MKLN1: variants seen among roughly 807,000 people sequenced by gnomAD.
MKLN1 encodes muskelin.
In MKLN1, 18 loss-of-function variants were observed where a neutral mutation model predicts 99.0. The observed-to-expected ratio is 0.18, with a 90% CI of 0.13 to 0.27. MKLN1 has a LOEUF of 0.27. MKLN1 is among the 10% of genes least tolerant of loss of function. MKLN1 has a pLI of 1.00. For synonymous variants in MKLN1, 288 were observed against 293.2 expected (o/e 0.98, Z 0.18); for missense variants, 621 against 875.9 (o/e 0.71, Z 3.67).
At chr7:131,386,454 G>A (rs1008661490) in intron 2 of MKLN1, among the ~76,000 whole-genome samples, 7 of 152,108 alleles carry the variant, frequency 4.6e-5, no homozygotes, top group Admixed American at 1.3e-4. Flanking sequence ...GAAGCATGAC[G>A]TCTCTCCAAC....
intron 3 of MKLN1, among the ~76,000 whole-genome samples, chr7:131,230,525 T>C (rs10225089): frequency 0.37 from 55,820 of 152,150 alleles, 10,845 homozygotes; most frequent in African/African-American, 0.44. Flanking sequence ...ATCCGTCATG[T>C]TGACTTCTGA....
At chr7:131,226,589 T>G (rs1194735247) in intron 3 of MKLN1, among the ~76,000 whole-genome samples, 2 of 152,176 alleles carry the variant, frequency 1.3e-5, no homozygotes, top group Non-Finnish European at 2.9e-5. Context: ...AGGAAGGAAA[T>G]GAAAGGAATT....
chr7:131,327,757 C>A, upstream of MKLN1: 1 of 1,396,622 alleles, frequency 7.2e-7, no homozygotes, highest in South Asian at 1.5e-5. Flanking sequence ...GACATTGGCC[C>A]GGCGCTGGGC....
intron 1 of MKLN1, among the ~76,000 whole-genome samples, chr7:131,141,051 T>G (rs1311580715): frequency 6.6e-6 from 1 of 152,204 alleles, no homozygotes; most frequent in Non-Finnish European, 1.5e-5. Context: ...CCCAAAGTGC[T>G]GGGATTACAG....
In MKLN1 at chr7:131,460,564, G is replaced by A. The variant is rs191795586; in HGVS notation, c.1526-2653G>A. 5.8e-4 allele frequency among the ~76,000 whole-genome samples: 88 copies of A among 152,286 alleles called. 2 individuals are homozygous for A. Among genetic ancestry groups the A allele is most frequent in the African/African-American group, 2.0e-3 (82 of 41,564 alleles). ...AAGCTCTGCTCTCATTCTTATTTAC[G>A]CCCCTATGTCCTTATTAGAAGCTCT... On this transcript the variant is annotated intron_variant, in intron 12 of 17. Transcript: ENST00000352689.
chr7:131,396,324 C>T (rs752424936), intron 4 of MKLN1, among the ~76,000 whole-genome samples: 1 of 152,180 alleles, frequency 6.6e-6, no homozygotes, highest in Non-Finnish European at 1.5e-5. Flanking sequence ...CCTCTTGCCA[C>T]GGCCTCCCAA....
intron 2 of MKLN1, among the ~76,000 whole-genome samples, chr7:131,202,529 C>T (rs1171919735): frequency 6.6e-6 from 1 of 152,164 alleles, no homozygotes; most frequent in Non-Finnish European, 1.5e-5. Flanking sequence ...AGGCCTGAGC[C>T]ACCGCGGCTC....
At chr7:131,357,289 A>G (rs1469832993) in intron 1 of MKLN1, among the ~76,000 whole-genome samples, 2 of 152,166 alleles carry the variant, frequency 1.3e-5, no homozygotes, top group African/African-American at 4.8e-5. Flanking sequence ...AGTACTGGAC[A>G]GGTGTATTGT....
chr7:131,446,069 T>G (rs905381373), intron 12 of MKLN1, among the ~76,000 whole-genome samples, 166 bp downstream of exon 12: 7 of 152,214 alleles, frequency 4.6e-5, no homozygotes, highest in African/African-American at 1.7e-4. Context: ...CAGTTCTATC[T>G]ATTTTTAAAT....
chr7:131,192,069 ATATATATACATATATAT>A (rs1796552212), intron 2 of MKLN1, among the ~76,000 whole-genome samples: 1 of 103,684 alleles, frequency 9.6e-6, no homozygotes, highest in Non-Finnish European at 1.9e-5. Context: ...TATATATATT[ATATATATACATATATAT>A]TATATATATA....
rs564028990 is a variant in MKLN1 at position 131,452,653 on chromosome 7, C to T, written c.1525+6750C>T. Among the ~76,000 whole-genome samples, 83 of 146,420 alleles carry T rather than the reference C, an allele frequency of 5.7e-4. 1 individual carries two copies. Among genetic ancestry groups the T allele is most frequent in the African/African-American group, 1.7e-3 (69 of 39,434 alleles). ...GCAACCTCTGCCTCCCGGGTTCAAG[C>T]GATTCTCCTGCCTCAGCCTCCCGAA... On this transcript the variant is annotated intron_variant, in intron 12 of 17. Coordinates refer to ENST00000352689, the MANE Select transcript of MKLN1 (RefSeq NM_013255.5).
chr7:131,359,577 G>T lies in MKLN1; in HGVS notation c.99-15847G>T, dbSNP rs569066085. On this transcript the variant is annotated intron_variant, in intron 1 of 17. Coordinates refer to ENST00000352689, the MANE Select transcript of MKLN1 (RefSeq NM_013255.5). ...TGCTGAGTCTGTCTATTACTGACAG[G>T]GATATTGATGTGTCCAATTATAATA... 2.0e-5 allele frequency among the ~76,000 whole-genome samples: 3 copies of T among 152,062 alleles called. No individual in the cohort carries two copies. In the East Asian group the frequency reaches 5.8e-4, roughly 29 times the overall value.
intron 2 of MKLN1, among the ~76,000 whole-genome samples, chr7:131,378,995 C>T (rs748406505): frequency 2.6e-5 from 4 of 151,054 alleles, no homozygotes; most frequent in Non-Finnish European, 4.4e-5. Context: ...TGCATTGACA[C>T]TCAGTAGAGG....
chr7:131,128,709 C>T (rs954243870), intron 1 of MKLN1, among the ~76,000 whole-genome samples: 2 of 152,008 alleles, frequency 1.3e-5, no homozygotes, highest in African/African-American at 4.8e-5. Flanking sequence ...CCTTGAACTC[C>T]TGGGCTCAAG....
chr7:131,239,138 G>C (rs1797364881), intron 3 of MKLN1, among the ~76,000 whole-genome samples: 1 of 151,934 alleles, frequency 6.6e-6, no homozygotes, highest in Non-Finnish European at 1.5e-5. Flanking sequence ...GAGGGTGGCA[G>C]GGTACTCCAT....
intron 3 of MKLN1, among the ~76,000 whole-genome samples, chr7:131,248,559 A>T (rs1224100915): frequency 2.0e-5 from 3 of 152,184 alleles, no homozygotes; most frequent in Non-Finnish European, 4.4e-5. Context: ...TAGGGGGTAG[A>T]AGTGAGATTG....
intron 7 of MKLN1, 80 bp from the exon 8 acceptor site, chr7:131,414,565 T>C: frequency 5.2e-6 from 5 of 964,716 alleles, no homozygotes; most frequent in Non-Finnish European, 7.8e-6. Context: ...TTACTACTGA[T>C]TACAGACTTA....
At chr7:131,465,012 T>C (rs960307523) in intron 14 of MKLN1, among the ~76,000 whole-genome samples, 4 of 152,162 alleles carry the variant, frequency 2.6e-5, no homozygotes, top group Non-Finnish European at 4.4e-5. Context: ...CCATGGATGA[T>C]TTATTTAAAT....
chr7:131,256,680 C>T (rs1797662852), intron 3 of MKLN1, among the ~76,000 whole-genome samples: 1 of 152,160 alleles, frequency 6.6e-6, no homozygotes, highest in Non-Finnish European at 1.5e-5. Context: ...AGCTGGAGCC[C>T]ATTATCCTAA....
Sources: gnomAD v4.1 joint callset for allele counts (sites outside exome capture counted in the v4.1 genomes callset) on GRCh38, gnomAD v4.1.1 for gene constraint, MANE v1.5 for transcripts, NCBI Gene and HGNC (gene_info 2026-07-23, HGNC 2026-07-21) for gene names.